Variants in SZRD1 observed in about 807,000 individuals in gnomAD.
SZRD1 encodes the protein SUZ RNA binding domain containing 1.
A neutral mutation model predicts 17.6 loss-of-function variants in SZRD1; 7 were observed. That is an observed-to-expected ratio of 0.40 (90% CI 0.23 to 0.75). The LOEUF (loss-of-function observed/expected upper bound fraction) is 0.75. Among genes scored for constraint, SZRD1 ranks in the 30% least tolerant of loss-of-function variants. The pLI is 0.38. For missense variants in SZRD1, 178 were observed against 201.8 expected (o/e 0.88, Z 0.71); for synonymous variants, 77 against 77.9 (o/e 0.99, Z 0.06).
chr1:16,381,085 T>TA (rs139686580), intron 1 of SZRD1, among the ~76,000 whole-genome samples: 16,991 of 123,102 alleles, frequency 0.14, 1,261 homozygotes, highest in Non-Finnish European at 0.18. Context: ...CCTGGCTCGT[T>TA]AAAAAAAAAA....
rs181367132 is a variant in SZRD1, at chr1:16,395,084, G to A, written c.403G>A (p.Val135Met). The part of the protein sequence containing the change: ...QPEDSRQPNN[V>M]IRQPLGPDGS... ...CGAAGACAGCAGGCAGCCCAATAATGTGATCAGACAGCCTTTGGGTCCTGA... is the reference window on the plus strand; with the variant it reads ...CGAAGACAGCAGGCAGCCCAATAATATGATCAGACAGCCTTTGGGTCCTGA... The change falls in exon 4 of 4, where the codon GTG (valine) becomes ATG (methionine). Residue 135 changes from valine to methionine, a missense_variant. By Grantham distance (21) the Val-to-Met change is conservative. Around this residue, in one of 3 missense-constraint regions of SZRD1, gnomAD observed 57 missense variants for 71.9 expected, o/e 0.79. Coordinates refer to ENST00000401088, the MANE Select transcript of SZRD1 (RefSeq NM_001114600.3). 6.2e-7 allele frequency: 1 copy of A among 1,614,100 alleles called. No homozygotes were observed. Among genetic ancestry groups the A allele is most frequent in the Admixed American group, 1.7e-5 (1 of 60,016 alleles).
intron 1 of SZRD1, among the ~76,000 whole-genome samples, chr1:16,370,539 A>AT (rs145501722): frequency 0.21 from 28,329 of 138,170 alleles, 3,096 homozygotes; most frequent in Non-Finnish European, 0.25. Context: ...TTTTTTTTTA[A>AT]TTTTTTTTTT....
chr1:16,377,189 G>A (rs1327172185), intron 1 of SZRD1, among the ~76,000 whole-genome samples: 1 of 152,070 alleles, frequency 6.6e-6, no homozygotes, highest in African/African-American at 2.4e-5. Flanking sequence ...GGCACCCTTG[G>A]GTGTTAAAGT....
chr1:16,369,380 CGTTCACTTT>C (rs2082873868), intron 1 of SZRD1: 1 of 988,200 alleles, frequency 1.0e-6, no homozygotes, highest in African/African-American at 1.6e-5. Flanking sequence ...TCAGCTTTTC[CGTTCACTTT>C]GATCCTTTCT....
intron 1 of SZRD1, among the ~76,000 whole-genome samples, chr1:16,382,430 C>T (rs920073733): frequency 2.6e-5 from 4 of 151,564 alleles, no homozygotes; most frequent in Admixed American, 6.6e-5. Context: ...TCAGGTGATC[C>T]GCCCACTTCG....
intron 1 of SZRD1, among the ~76,000 whole-genome samples, chr1:16,378,677 C>G (rs1235228251): frequency 6.6e-6 from 1 of 152,134 alleles, no homozygotes. Context: ...TGGGCTTGCA[C>G]TGACCTGGCC....
At chr1:16,367,851 G>GT (rs1004445223) in intron 1 of SZRD1, 2 of 152,796 alleles carry the variant, frequency 1.3e-5, no homozygotes, top group South Asian at 2.0e-4. Flanking sequence ...GACGAGTCGG[G>GT]TTTTTTTTCT....
chr1:16,388,725 G>A (rs975639482), intron 1 of SZRD1, among the ~76,000 whole-genome samples: 8 of 121,546 alleles, frequency 6.6e-5, no homozygotes, highest in Middle Eastern at 6.3e-3. Flanking sequence ...TTGCCCTGTC[G>A]CCCAGGCTGG....
Position 16,397,806 on chromosome 1 carries a change from C to T in SZRD1, c.*2666C>T, listed in dbSNP as rs538631218. On this transcript the variant is annotated 3_prime_UTR_variant, in exon 4 of 4. Coordinates refer to ENST00000401088, the MANE Select transcript of SZRD1 (RefSeq NM_001114600.3). The surrounding 1 kb of genome is among the most constrained non-coding windows in gnomAD (Gnocchi z 5.4). Reference sequence around the variant, plus strand: ...AGCCCCTTCCAGAGCCCATCTGCCCCGCCCAGCCCTGCCCTGCCCAGCCAT... The same window carrying T: ...AGCCCCTTCCAGAGCCCATCTGCCCTGCCCAGCCCTGCCCTGCCCAGCCAT... 6.7e-5 allele frequency: 12 copies of T among 179,088 alleles called. No homozygotes were observed. Among genetic ancestry groups the T allele is most frequent in the Admixed American group, 1.3e-4 (2 of 15,346 alleles). The allele number at this position is 179,088 out of a possible 1,614,324, so 11.1% of individuals were successfully genotyped here. A position where few individuals can be genotyped will look rare whatever the true frequency, so the allele number is the denominator to read the frequency against.
At chr1:16,367,444 C>T (rs1267227319) in intron 1 of SZRD1, 136 bp downstream of exon 1, 1 of 787,630 alleles carries the variant, frequency 1.3e-6, no homozygotes, top group Admixed American at 3.1e-5. Context: ...GAGAGGCCCC[C>T]AGTTCCTGAG....
At chr1:16,377,734 C>T (rs2083029246) in intron 1 of SZRD1, among the ~76,000 whole-genome samples, 1 of 152,074 alleles carries the variant, frequency 6.6e-6, no homozygotes, top group Admixed American at 6.6e-5. Context: ...ATTTGTAAAA[C>T]TGAATTAATA....
At position 16,393,532 on chromosome 1, in the gene SZRD1, G is replaced by C. The variant is rs563969993; in HGVS notation, c.356+50G>C. ...CAGTGATGGCTGTCCCAGTCCACCC[G>C]GGAAGAGGAGAGCATCCTGGCTGCG... On this transcript the variant is annotated intron_variant, in intron 3 of 3. Coordinates refer to ENST00000401088, the MANE Select transcript of SZRD1 (RefSeq NM_001114600.3). This position sits in a 1 kb window ranked among gnomAD's most constrained non-coding sequence, Gnocchi z 5.6. 189 of 1,548,754 alleles carry C rather than the reference G, an allele frequency of 1.2e-4. 2 individuals carry two copies. In the South Asian group the frequency reaches 2.1e-3, roughly 18 times the overall value.
chr1:16,390,087 T>C (rs2100743903), intron 1 of SZRD1, among the ~76,000 whole-genome samples: 1 of 152,340 alleles, frequency 6.6e-6, no homozygotes, highest in Admixed American at 6.5e-5. Context: ...ATTAGAGATC[T>C]TGTCTCTAGA....
At chr1:16,389,600 C>G (rs951679424) in intron 1 of SZRD1, among the ~76,000 whole-genome samples, 1 of 151,700 alleles carries the variant, frequency 6.6e-6, no homozygotes, top group African/African-American at 2.4e-5. Context: ...CGTGAGCCAC[C>G]GTGCCTGGCC....
At chr1:16,384,144 A>T (rs558705902) in intron 1 of SZRD1, among the ~76,000 whole-genome samples, 2 of 152,334 alleles carry the variant, frequency 1.3e-5, no homozygotes, top group Admixed American at 6.5e-5. Context: ...AGGCCAGGAC[A>T]CTGTCACTGC....
intron 1 of SZRD1, among the ~76,000 whole-genome samples, chr1:16,379,332 T>C (rs1011376477): frequency 2.0e-5 from 3 of 150,550 alleles, no homozygotes; most frequent in African/African-American, 7.3e-5. Flanking sequence ...TTAGCCAGAA[T>C]GGCCTCGTGA....
intron 1 of SZRD1, among the ~76,000 whole-genome samples, chr1:16,389,322 T>C (rs2085185061): frequency 1.3e-5 from 2 of 151,310 alleles, no homozygotes; most frequent in Admixed American, 1.3e-4. Flanking sequence ...TGGAGTGCAG[T>C]GGCGCCATCT....
chr1:16,395,201 G>T lies in SZRD1; in HGVS notation c.*61G>T, dbSNP rs749615766. ...CACCGCCTCCTGGGTCGTCCGCCAC[G>T]GGTTGCACTGCCGTGGCAGACAGCT... is the stretch of plus-strand genomic sequence containing the variant. On this transcript the variant is annotated 3_prime_UTR_variant, in exon 4 of 4. Transcript: ENST00000401088. 8.4e-7 allele frequency: 1 copy of T among 1,189,522 alleles called. No homozygotes were observed. The allele number at this position is 1,189,522 out of a possible 1,614,324, so 73.7% of individuals were successfully genotyped here.
At chr1:16,392,976 G>A (rs1434354869) in intron 2 of SZRD1, among the ~76,000 whole-genome samples, 2 of 152,218 alleles carry the variant, frequency 1.3e-5, no homozygotes, top group African/African-American at 2.4e-5. Context: ...ATGAGGTGGC[G>A]TTCCAGCCCC....
Sources: allele counts gnomAD v4.1 joint callset (sites outside exome capture counted in the v4.1 genomes callset), GRCh38; gene constraint gnomAD v4.1.1; regional missense constraint gnomAD v4.1.1; non-coding constraint Gnocchi (gnomAD v3.1); transcripts MANE v1.5; gene names NCBI Gene and HGNC (gene_info 2026-07-23, HGNC 2026-07-21).